Variants in DOCK3 observed in about 807,000 individuals in gnomAD.
DOCK3 encodes the protein dedicator of cytokinesis protein 3.
DOCK3 carries 60 observed loss-of-function variants against 265.6 expected under a neutral mutation model. The observed-to-expected ratio is 0.23, with a 90% CI of 0.18 to 0.28. The LOEUF is 0.28. Ranked by LOEUF, DOCK3 falls within the 10% of genes least tolerant of loss-of-function variation. DOCK3 has a pLI of 1.00. For missense variants in DOCK3, 1,981 were observed against 2,594.3 expected (o/e 0.76, Z 5.14); for synonymous variants, 881 against 938.0 (o/e 0.94, Z 1.11).
chr3:51,236,992 C>G (rs1356184770), intron 20 of DOCK3, among the ~76,000 whole-genome samples: 1 of 152,094 alleles, frequency 6.6e-6, no homozygotes, highest in Non-Finnish European at 1.5e-5. Context: ...AGATAAGGAG[C>G]AGAGGTGAGA....
In DOCK3 at chr3:51,375,796, A is replaced by G; in HGVS notation, c.5461A>G (p.Lys1821Glu). Residue 1821 changes from lysine (K) to glutamate (E), a missense_variant, in exon 51 of 53, where the codon AAA (lysine) becomes GAA (glutamate). Physicochemically the swap from Lys to Glu is moderately conservative, Grantham distance 56 (BLOSUM62 1). Around this residue, in one of 4 missense-constraint regions of DOCK3, gnomAD observed 1,357 missense variants for 1,866.8 expected, o/e 0.73. Coordinates refer to ENST00000266037, the MANE Select transcript of DOCK3 (RefSeq NM_004947.5). The stretch of plus-strand genomic sequence containing the variant: ...GTTCCAGCAAGTGGTCGGAGCCTGC[A>G]AACCCTGCAGTGATCCCAATCTGTC... ...ALFQQVVGACKPCSDPNLSVA... is the reference protein window; with the variant it reads ...ALFQQVVGACEPCSDPNLSVA... The G allele has an allele frequency of 6.2e-7, 1 of 1,613,992 alleles. No homozygotes were observed. The highest frequency in any genetic ancestry group is 8.5e-7 in the Non-Finnish European group (1 of 1,179,888).
chr3:51,014,487 A>T (rs1285433936), intron 5 of DOCK3, among the ~76,000 whole-genome samples: 1 of 152,064 alleles, frequency 6.6e-6, no homozygotes, highest in Admixed American at 6.6e-5. Flanking sequence ...AAATACCTCC[A>T]TTGATTTGCT....
At chr3:51,287,358 G>A (rs1416587220) in intron 27 of DOCK3, among the ~76,000 whole-genome samples, 1 of 151,994 alleles carries the variant, frequency 6.6e-6, no homozygotes, top group East Asian at 1.9e-4. Context: ...AGACCAGCCT[G>A]GGCAGCATAG....
chr3:51,351,149 A>T (rs760730464), intron 40 of DOCK3, among the ~76,000 whole-genome samples: 2 of 152,228 alleles, frequency 1.3e-5, no homozygotes, highest in East Asian at 3.8e-4. Context: ...GCTGAATCCC[A>T]TAGAGATGTG....
At chr3:51,165,078 A>G (rs2086325667) in intron 12 of DOCK3, among the ~76,000 whole-genome samples, 1 of 151,534 alleles carries the variant, frequency 6.6e-6, no homozygotes, top group Admixed American at 6.6e-5. Flanking sequence ...AGCTGGGACT[A>G]CAGGCACTCG....
chr3:50,938,897 A>G (rs1294390851), intron 5 of DOCK3, among the ~76,000 whole-genome samples: 1 of 151,328 alleles, frequency 6.6e-6, no homozygotes, highest in Admixed American at 6.6e-5. Flanking sequence ...TAAAAAAAAA[A>G]TAATAATAAT....
At chr3:51,159,954 C>G (rs1279314951) in intron 11 of DOCK3, among the ~76,000 whole-genome samples, 1 of 152,294 alleles carries the variant, frequency 6.6e-6, no homozygotes. Flanking sequence ...TAATCCCTTG[C>G]CAACAAAACA....
chr3:51,228,516 C>T (rs9844760), intron 17 of DOCK3, 145 bp from the exon 18 acceptor site: 123 of 891,140 alleles, frequency 1.4e-4, no homozygotes, highest in Admixed American at 4.7e-4. Flanking sequence ...AGTTTCTGAA[C>T]AGAAAGTACT....
chr3:50,904,472 G>A (rs553090432), intron 4 of DOCK3, among the ~76,000 whole-genome samples: 1 of 152,302 alleles, frequency 6.6e-6, no homozygotes, highest in East Asian at 1.9e-4. Context: ...GTGTGAGATA[G>A]TATCTCATTG....
rs765796246 is a variant in DOCK3 at position 51,059,484 on chromosome 3, CA to C, written c.316-4963del. On this transcript the variant is annotated intron_variant, in intron 5 of 52. Coordinates refer to ENST00000266037, the MANE Select transcript of DOCK3 (RefSeq NM_004947.5). ...ACACACACACACACACACACACACA[CA>C]CACACACACCCCACATCCCACATTA... 3.9e-3 allele frequency among the ~76,000 whole-genome samples: 585 copies of C among 151,848 alleles called. 2 individuals are homozygous for C. Among genetic ancestry groups the C allele is most frequent in the Admixed American group, 9.6e-3 (146 of 15,230 alleles).
intron 3 of DOCK3, among the ~76,000 whole-genome samples, chr3:50,879,135 A>C (rs1457261553): frequency 6.6e-6 from 1 of 152,238 alleles, no homozygotes; most frequent in Admixed American, 6.5e-5. Flanking sequence ...GAAGCACTAA[A>C]CATGGAAAGG....
intron 3 of DOCK3, among the ~76,000 whole-genome samples, chr3:50,882,304 G>T (rs1230523867): frequency 2.6e-5 from 4 of 152,246 alleles, no homozygotes; most frequent in South Asian, 2.1e-4. Context: ...CACAGCAAAA[G>T]AAACTACCAT....
chr3:50,719,868 T>C, intron 1 of DOCK3: 3 of 677,596 alleles, frequency 4.4e-6, no homozygotes, highest in South Asian at 1.6e-5. Context: ...GCTCAGAGCA[T>C]GAAGTTTTCT....
intron 27 of DOCK3, among the ~76,000 whole-genome samples, chr3:51,302,251 C>G (rs967641618): frequency 1.1e-4 from 16 of 152,104 alleles, no homozygotes; most frequent in African/African-American, 3.9e-4. Flanking sequence ...GATTGCAACC[C>G]CTGCTTTTTT....
At chr3:51,130,828 C>G (rs2084495773) in intron 9 of DOCK3, among the ~76,000 whole-genome samples, 1 of 152,150 alleles carries the variant, frequency 6.6e-6, no homozygotes, top group Non-Finnish European at 1.5e-5. Flanking sequence ...ATGCCTCAGC[C>G]TCCCGAGTAG....
At chr3:51,306,062 C>T (rs1379719669) in intron 27 of DOCK3, among the ~76,000 whole-genome samples, 3 of 148,680 alleles carry the variant, frequency 2.0e-5, no homozygotes, top group South Asian at 2.1e-4. Flanking sequence ...GATGGGGTCT[C>T]GCTATGTTGC....
At chr3:51,336,912 A>G (rs1316610745) in intron 35 of DOCK3, 2 of 456,060 alleles carry the variant, frequency 4.4e-6, no homozygotes, top group South Asian at 1.5e-5. Flanking sequence ...ACTGCCCTTC[A>G]TGGGGCCAAC....
chr3:51,033,853 ATTTC>A (rs2080149243), intron 5 of DOCK3, among the ~76,000 whole-genome samples: 1 of 152,112 alleles, frequency 6.6e-6, no homozygotes, highest in South Asian at 2.1e-4. Context: ...TAAACTGCTT[ATTTC>A]TTCGGGGCCC....
At chr3:51,246,886 G>T in intron 22 of DOCK3, 79 bp downstream of exon 22, 1 of 1,410,356 alleles carries the variant, frequency 7.1e-7, no homozygotes, top group East Asian at 2.4e-5. Context: ...ACAATGTGCA[G>T]GACAAATGTA....
Sources: allele counts gnomAD v4.1 joint callset (sites outside exome capture counted in the v4.1 genomes callset), GRCh38; gene constraint gnomAD v4.1.1; regional missense constraint gnomAD v4.1.1; transcripts MANE v1.5; gene names NCBI Gene and HGNC (gene_info 2026-07-23, HGNC 2026-07-21).